CAST: variants seen among roughly 807,000 people sequenced by gnomAD.
The protein encoded by CAST is calpastatin.
CAST carries 76 observed loss-of-function variants against 119.6 expected under a neutral mutation model. That is an observed-to-expected ratio of 0.64 (90% CI 0.53 to 0.77). The LOEUF is 0.77. Ranked by LOEUF, CAST falls within the 30% of genes least tolerant of loss-of-function variation. The pLI is 0.00. For synonymous variants in CAST, 319 were observed against 331.6 expected, an observed-to-expected ratio of 0.96 and a Z score of 0.41; for missense variants, 953 against 946.5, an observed-to-expected ratio of 1.01 and a Z score of -0.09.
At chr5:96,525,728 G>A (rs1202286805), upstream of CAST, among the ~76,000 whole-genome samples, 1 of 152,142 alleles carries the variant, frequency 6.6e-6, no homozygotes, top group Admixed American at 6.5e-5. Context: ...AAAAATATAA[G>A]CATCATAGGA....
the CAST span, chr5:96,391,779 G>A: frequency 6.6e-6 from 1 of 152,096 alleles, no homozygotes. Flanking sequence ...CGAGAATGAG[G>A]TTTTATGTGA....
chr5:96,742,682 G>T lies in CAST; in HGVS notation c.1126G>T (p.Ala376Ser). 1 of 1,613,774 alleles carries T rather than the reference G, an allele frequency of 6.2e-7. No individual in the cohort carries two copies. The highest frequency in any genetic ancestry group is 8.5e-7 in the Non-Finnish European group (1 of 1,179,730). Residue 376 changes from alanine to serine, a missense_variant, in exon 16 of 32, where the codon GCT (alanine) becomes TCT (serine). Coordinates refer to ENST00000675179, the MANE Select transcript of CAST (RefSeq NM_001750.7). The part of the protein sequence containing the change: ...KDTMSDQALE[A>S]LSASLGTRQA... The stretch of plus-strand genomic sequence containing the variant: ...TACAATGAGTGATCAAGCACTCGAG[G>T]CTCTGTCGGCTTCACTGGGCACCCG...
the CAST span, among the ~76,000 whole-genome samples, chr5:96,491,275 G>C: frequency 6.6e-6 from 1 of 151,532 alleles, no homozygotes; most frequent in Non-Finnish European, 1.5e-5. Flanking sequence ...CACGAGGTCA[G>C]GAGATCGAGA....
chr5:96,615,769 T>C (rs962380857), intron 1 of CAST, among the ~76,000 whole-genome samples: 1 of 152,180 alleles, frequency 6.6e-6, no homozygotes, highest in African/African-American at 2.4e-5. Context: ...CAGTGACTTA[T>C]ACTAGGGCAA....
chr5:96,761,306 G>T (rs1767866377), intron 24 of CAST: 1 of 152,072 alleles, frequency 6.6e-6, no homozygotes, highest in Non-Finnish European at 1.5e-5. Context: ...CTTTTCATTT[G>T]TCATATAAGC....
chr5:96,591,828 A>C (rs936822915), intron 1 of CAST, among the ~76,000 whole-genome samples: 11 of 152,190 alleles, frequency 7.2e-5, no homozygotes, highest in Non-Finnish European at 1.0e-4. Flanking sequence ...GTTTATAAGG[A>C]TTCTGTGCTT....
the CAST span, among the ~76,000 whole-genome samples, chr5:96,111,804 G>T: frequency 6.6e-6 from 1 of 151,996 alleles, no homozygotes; most frequent in Non-Finnish European, 1.5e-5. Flanking sequence ...GTATGGATTT[G>T]CTTTATTTAT....
the CAST span, among the ~76,000 whole-genome samples, chr5:96,498,444 A>C: frequency 6.6e-6 from 1 of 152,190 alleles, no homozygotes; most frequent in African/African-American, 2.4e-5. Context: ...TCTATAAATT[A>C]CCTTGGGCAG....
the CAST span, among the ~76,000 whole-genome samples, chr5:96,371,864 A>G: frequency 6.6e-6 from 1 of 152,208 alleles, no homozygotes; most frequent in African/African-American, 2.4e-5. Flanking sequence ...ATTTATGACC[A>G]TTACAGAGCT....
chr5:96,619,060 G>A (rs945086342), intron 1 of CAST, among the ~76,000 whole-genome samples: 3 of 151,998 alleles, frequency 2.0e-5, no homozygotes, highest in Admixed American at 6.5e-5. Flanking sequence ...GTTTGTAAAC[G>A]CATCAATCAG....
At chr5:96,697,815 G>C (rs937967758) in intron 3 of CAST, among the ~76,000 whole-genome samples, 2 of 152,222 alleles carry the variant, frequency 1.3e-5, no homozygotes, top group African/African-American at 4.8e-5. Flanking sequence ...GCTGTTGAGA[G>C]CCTTAAATGA....
the CAST span, among the ~76,000 whole-genome samples, chr5:96,202,969 G>A: frequency 1.3e-5 from 2 of 151,862 alleles, no homozygotes; most frequent in Admixed American, 1.3e-4. Context: ...ATAATTACAA[G>A]TTCATATAAA....
At chr5:96,555,300 C>T (rs544632780) in intron 1 of CAST, among the ~76,000 whole-genome samples, 7 of 152,256 alleles carry the variant, frequency 4.6e-5, no homozygotes, top group African/African-American at 1.2e-4. Context: ...CCAGCATGAG[C>T]GACACAGAAG....
chr5:96,119,848 G>A, the CAST span, among the ~76,000 whole-genome samples: 13 of 152,060 alleles, frequency 8.5e-5, no homozygotes, highest in African/African-American at 3.1e-4. Context: ...GAGATTTAAG[G>A]CCTTTCAAGC....
chr5:96,458,055 A>G, the CAST span, among the ~76,000 whole-genome samples: 1 of 152,206 alleles, frequency 6.6e-6, no homozygotes, highest in Non-Finnish European at 1.5e-5. Flanking sequence ...CTGTTTTCAT[A>G]TAGAGCAGAG....
the CAST span, among the ~76,000 whole-genome samples, chr5:96,517,956 G>T: frequency 6.6e-6 from 1 of 152,240 alleles, no homozygotes; most frequent in Non-Finnish European, 1.5e-5. Flanking sequence ...AGGTAAAGCA[G>T]ATATTATTCC....
At chr5:96,210,849 T>G in the CAST span, among the ~76,000 whole-genome samples, 1 of 152,072 alleles carries the variant, frequency 6.6e-6, no homozygotes, top group Non-Finnish European at 1.5e-5. Flanking sequence ...TTTTATTTCC[T>G]TCATCGGCAT....
the CAST span, among the ~76,000 whole-genome samples, chr5:96,098,625 A>G: frequency 6.6e-6 from 1 of 152,232 alleles, no homozygotes; most frequent in East Asian, 1.9e-4. Flanking sequence ...CAAAGATCAG[A>G]TGGTTGTAGG....
chr5:96,258,810 G>A, the CAST span, among the ~76,000 whole-genome samples: 4 of 38,010 alleles, frequency 1.1e-4, no homozygotes, highest in Non-Finnish European at 1.8e-4. Flanking sequence ...TAAAGCATAT[G>A]TGTTTTTCCC....
Sources: gnomAD v4.1 joint callset for allele counts (sites outside exome capture counted in the v4.1 genomes callset) on GRCh38, gnomAD v4.1.1 for gene constraint, MANE v1.5 for transcripts, NCBI Gene and HGNC (gene_info 2026-07-23, HGNC 2026-07-21) for gene names.